Variants in MAP2 observed in about 807,000 individuals in gnomAD.
MAP2 encodes the protein microtubule associated protein 2.
In MAP2, 14 loss-of-function variants were observed where a neutral mutation model predicts 137.6. The ratio of observed to expected loss-of-function variants is 0.10; its 90% CI spans 0.07 to 0.16. The LOEUF (loss-of-function observed/expected upper bound fraction) is 0.16, where lower values mean the gene tolerates loss of function less well. Ranked by LOEUF, MAP2 falls within the 10% of genes least tolerant of loss-of-function variation. The pLI, the probability that MAP2 is intolerant of heterozygous loss-of-function variation, is 1.00. For missense variants in MAP2, 2,088 were observed against 2,191.5 expected, an observed-to-expected ratio of 0.95 and a Z score of 0.94; for synonymous variants, 786 against 782.3, an observed-to-expected ratio of 1.00 and a Z score of -0.08.
intron 2 of MAP2, among the ~76,000 whole-genome samples, chr2:209,571,010 T>A (rs1354347565): frequency 6.6e-6 from 1 of 151,964 alleles, no homozygotes; most frequent in African/African-American, 2.4e-5. Flanking sequence ...ACTTTACAGT[T>A]GCCATTTATT....
intron 5 of MAP2, among the ~76,000 whole-genome samples, chr2:209,664,067 G>C (rs1404751467): frequency 6.6e-6 from 1 of 152,164 alleles, no homozygotes; most frequent in Non-Finnish European, 1.5e-5. Context: ...TTTATATCTT[G>C]CTAATACAAT....
chr2:209,606,541 A>G (rs944189403), intron 3 of MAP2, among the ~76,000 whole-genome samples: 1 of 150,454 alleles, frequency 6.6e-6, no homozygotes. Flanking sequence ...AGGAGGGGGC[A>G]TGGAATTGGG....
chr2:209,686,599 G>T (rs549456155), intron 7 of MAP2, among the ~76,000 whole-genome samples: 25 of 152,148 alleles, frequency 1.6e-4, no homozygotes, highest in Admixed American at 1.0e-3. Flanking sequence ...CACCACATAG[G>T]CCTGAGATGT....
intron 5 of MAP2, among the ~76,000 whole-genome samples, chr2:209,660,730 T>A (rs1192405820): frequency 1.5e-5 from 2 of 130,168 alleles, no homozygotes; most frequent in African/African-American, 5.8e-5. Context: ...ATTATTATTA[T>A]TATTATTATT....
intron 11 of MAP2, among the ~76,000 whole-genome samples, chr2:209,703,561 G>T (rs1380985176): frequency 6.6e-6 from 1 of 152,052 alleles, no homozygotes; most frequent in Non-Finnish European, 1.5e-5. Context: ...AGAGAACTAT[G>T]TATAGAATCA....
At chr2:209,621,127 G>A (rs558522260) in intron 3 of MAP2, among the ~76,000 whole-genome samples, 23 of 151,842 alleles carry the variant, frequency 1.5e-4, no homozygotes, top group African/African-American at 5.1e-4. Context: ...CCCTGGAGGC[G>A]GAGGTTGCAG....
At chr2:209,663,926 A>G (rs7567257) in intron 5 of MAP2, among the ~76,000 whole-genome samples, 28,689 of 152,132 alleles carry the variant, frequency 0.19, 3,890 homozygotes, top group African/African-American at 0.38. Flanking sequence ...AGAAGTCATA[A>G]GAAAAACATT....
chr2:209,431,976 A>G (rs1235646791), intron 1 of MAP2, among the ~76,000 whole-genome samples: 1 of 152,188 alleles, frequency 6.6e-6, no homozygotes, highest in Admixed American at 6.5e-5. Context: ...CTCTCCGGAT[A>G]GTAGTTTAAA....
intron 4 of MAP2, 134 bp from the exon 5 acceptor site, chr2:209,653,008 C>A: frequency 3.5e-6 from 2 of 576,968 alleles, no homozygotes; most frequent in Non-Finnish European, 5.9e-6. Flanking sequence ...TGATATTAAA[C>A]ATAGGTTATT....
chr2:209,534,481 G>A (rs1009420906), intron 2 of MAP2, among the ~76,000 whole-genome samples: 6 of 152,110 alleles, frequency 3.9e-5, no homozygotes, highest in African/African-American at 1.2e-4. Flanking sequence ...GTGTACGGGG[G>A]TGGGTGGGAG....
At chr2:209,563,429 T>A (rs756820200) in intron 2 of MAP2, among the ~76,000 whole-genome samples, 20 of 152,234 alleles carry the variant, frequency 1.3e-4, no homozygotes, top group Admixed American at 5.2e-4. Flanking sequence ...CTGTCCTTAG[T>A]AAGCACCTTA....
intron 3 of MAP2, among the ~76,000 whole-genome samples, chr2:209,591,706 A>G (rs1447862806): frequency 1.3e-5 from 2 of 152,152 alleles, no homozygotes. Context: ...GCTATTCCCC[A>G]AGAGTTCTTC....
At chr2:209,436,025 A>ATATACTGTATATATTATATATAAT (rs1559159753) in intron 1 of MAP2, among the ~76,000 whole-genome samples, 1 of 77,292 alleles carries the variant, frequency 1.3e-5, no homozygotes, top group Admixed American at 1.7e-4. Context: ...TTATATATAA[A>ATATACTGTATATATTATATATAAT]ATATATATAT....
intron 3 of MAP2, among the ~76,000 whole-genome samples, chr2:209,582,726 A>C (rs975851034): frequency 9.2e-5 from 14 of 152,160 alleles, no homozygotes; most frequent in African/African-American, 3.4e-4. Flanking sequence ...TATTTAAGGA[A>C]TCTATCAAGA....
At chr2:209,462,911 C>T (rs1423160172) in intron 1 of MAP2, among the ~76,000 whole-genome samples, 1 of 152,106 alleles carries the variant, frequency 6.6e-6, no homozygotes, top group Non-Finnish European at 1.5e-5. Flanking sequence ...AGCCCAATCT[C>T]TTTAAATGAA....
In MAP2 at chr2:209,510,022, A is replaced by G. The variant is rs569292183; in HGVS notation, c.-172+2381A>G. ...CTGGAAACGTGTTTTAATCTCCTAA[A>G]GTTATTACAAAAAAAAAAAAAGTCA... On this transcript the variant is annotated intron_variant, in intron 2 of 15. Transcript: ENST00000682079. Among the ~76,000 whole-genome samples the G allele has an allele frequency of 5.4e-3, 575 of 105,562 alleles. 1 individual carries two copies. Among genetic ancestry groups the G allele is most frequent in the Non-Finnish European group, 0.01 (454 of 44,360 alleles). The allele number at this position is 105,562 out of a possible 152,430, so 69.3% of individuals were successfully genotyped here.
At chr2:209,661,267 T>C (rs2043476787) in intron 5 of MAP2, among the ~76,000 whole-genome samples, 1 of 152,224 alleles carries the variant, frequency 6.6e-6, no homozygotes, top group African/African-American at 2.4e-5. Flanking sequence ...AAATATGGCC[T>C]ATTCTATGTA....
chr2:209,724,001 G>A (rs529949249), intron 13 of MAP2, among the ~76,000 whole-genome samples: 1 of 152,288 alleles, frequency 6.6e-6, no homozygotes, highest in African/African-American at 2.4e-5. Context: ...TGTCTTCAAT[G>A]TATTTTCTCA....
intron 1 of MAP2, among the ~76,000 whole-genome samples, chr2:209,469,805 C>A (rs1232139182): frequency 6.6e-6 from 1 of 152,174 alleles, no homozygotes; most frequent in Non-Finnish European, 1.5e-5. Flanking sequence ...GTCTTTCAGC[C>A]ACACACACTA....
Sources: gnomAD v4.1 joint callset for allele counts (sites outside exome capture counted in the v4.1 genomes callset) on GRCh38, gnomAD v4.1.1 for gene constraint, MANE v1.5 for transcripts, NCBI Gene and HGNC (gene_info 2026-07-23, HGNC 2026-07-21) for gene names.